The following DRC11 variants were observed in gnomAD, a reference collection of about 807,000 sequenced individuals.
DRC11 encodes the protein IQ and AAA domain-containing protein 1.
At chr2:236,368,120 G>GAAAACAGT in the DRC11 span, 1 of 870,956 alleles carries the variant, frequency 1.1e-6, no homozygotes, top group South Asian at 1.4e-5. Flanking sequence ...TGACAAACAG[G>GAAAACAGT]AACACACTGT....
the DRC11 span, among the ~76,000 whole-genome samples, chr2:236,394,199 C>T: frequency 2.0e-5 from 3 of 152,092 alleles, no homozygotes; most frequent in East Asian, 5.8e-4. The surrounding 1 kb of genome is among the most constrained non-coding windows in gnomAD (Gnocchi z 7.0). Flanking sequence ...TGCCCCAAAG[C>T]CCCAAAGCAG....
the DRC11 span, among the ~76,000 whole-genome samples, chr2:236,338,773 T>G: frequency 6.6e-6 from 1 of 152,234 alleles, no homozygotes; most frequent in Non-Finnish European, 1.5e-5. Flanking sequence ...TGCTGATTGC[T>G]GGAACAATGA....
chr2:236,396,223 G>A, the DRC11 span, among the ~76,000 whole-genome samples: 2 of 142,102 alleles, frequency 1.4e-5, no homozygotes, highest in Non-Finnish European at 3.0e-5. Flanking sequence ...CTCCTAGAGC[G>A]GAGAAAGAGC....
chr2:236,377,114 G>C, the DRC11 span: 87 of 1,602,766 alleles, frequency 5.4e-5, no homozygotes, highest in Non-Finnish European at 7.4e-5. This position sits in a 1 kb window ranked among gnomAD's most constrained non-coding sequence, Gnocchi z 4.9. Flanking sequence ...AATGTAATCA[G>C]AGAGGTTGAC....
At chr2:236,501,919 C>A in the DRC11 span, among the ~76,000 whole-genome samples, 1 of 152,180 alleles carries the variant, frequency 6.6e-6, no homozygotes, top group Non-Finnish European at 1.5e-5. Context: ...GGGTTGACTG[C>A]AGGAGTGCTT....
the DRC11 span, among the ~76,000 whole-genome samples, chr2:236,387,568 G>C: frequency 1.3e-5 from 2 of 152,122 alleles, no homozygotes; most frequent in African/African-American, 4.8e-5. Context: ...CTGCATGTGA[G>C]ATGGGTTTCC....
the DRC11 span, among the ~76,000 whole-genome samples, chr2:236,434,578 A>C: frequency 3.3e-5 from 5 of 152,146 alleles, no homozygotes; most frequent in African/African-American, 4.8e-5. This position sits in a 1 kb window ranked among gnomAD's most constrained non-coding sequence, Gnocchi z 5.5. Flanking sequence ...AGCTTGTCTA[A>C]GGTTGCAGGT....
At chr2:236,392,322 C>CAT in the DRC11 span, 5 of 1,595,310 alleles carry the variant, frequency 3.1e-6, no homozygotes, top group Non-Finnish European at 4.3e-6. This position sits in a 1 kb window ranked among gnomAD's most constrained non-coding sequence, Gnocchi z 5.1. Context: ...GAGAGAAATT[C>CAT]CAAGACTCAT....
At chr2:236,412,290 G>T in the DRC11 span, among the ~76,000 whole-genome samples, 1 of 152,172 alleles carries the variant, frequency 6.6e-6, no homozygotes, top group Admixed American at 6.5e-5. Context: ...TATATAGGAA[G>T]TTCATGGTGC....
the DRC11 span, among the ~76,000 whole-genome samples, chr2:236,330,202 A>G: frequency 6.6e-6 from 1 of 152,018 alleles, no homozygotes; most frequent in Admixed American, 6.5e-5. This position sits in a 1 kb window ranked among gnomAD's most constrained non-coding sequence, Gnocchi z 5.5. Context: ...TTTTTTTTTC[A>G]GCCTTGCCAG....
At chr2:236,386,370 T>A in the DRC11 span, among the ~76,000 whole-genome samples, 1 of 152,168 alleles carries the variant, frequency 6.6e-6, no homozygotes, top group Non-Finnish European at 1.5e-5. Context: ...GAGATTCAAC[T>A]TCTTCCTGGT....
chr2:236,341,718 GT>G, the DRC11 span, among the ~76,000 whole-genome samples: 39 of 152,202 alleles, frequency 2.6e-4, no homozygotes, highest in Non-Finnish European at 4.9e-4. Flanking sequence ...GAAGCTGGTG[GT>G]TTCCCCCCCA....
At chr2:236,419,440 T>A in the DRC11 span, among the ~76,000 whole-genome samples, 1 of 152,208 alleles carries the variant, frequency 6.6e-6, no homozygotes. The surrounding 1 kb of genome is among the most constrained non-coding windows in gnomAD (Gnocchi z 4.8). Context: ...CTGCCTACCA[T>A]CTACCCTTAG....
At chr2:236,311,485 A>G in the DRC11 span, among the ~76,000 whole-genome samples, 141 of 152,234 alleles carry the variant, frequency 9.3e-4, 3 homozygotes, top group Non-Finnish European at 8.8e-5. This position sits in a 1 kb window ranked among gnomAD's most constrained non-coding sequence, Gnocchi z 6.9. Context: ...TTCTGGTCAC[A>G]TTTCTCCAGA....
the DRC11 span, among the ~76,000 whole-genome samples, chr2:236,372,051 C>T: frequency 4.6e-5 from 7 of 152,080 alleles, no homozygotes; most frequent in African/African-American, 1.5e-4. This position sits in a 1 kb window ranked among gnomAD's most constrained non-coding sequence, Gnocchi z 4.5. Context: ...GTTTTTTAAA[C>T]GTCTAAACCC....
the DRC11 span, chr2:236,412,540 C>A: frequency 2.0e-4 from 31 of 152,402 alleles, no homozygotes; most frequent in Admixed American, 6.5e-4. Flanking sequence ...GAACCATAGA[C>A]AATGGTTTGA....
At chr2:236,474,523 T>G in the DRC11 span, among the ~76,000 whole-genome samples, 1 of 152,186 alleles carries the variant, frequency 6.6e-6, no homozygotes, top group Non-Finnish European at 1.5e-5. Context: ...GAACTCTAAT[T>G]AAATAGAAGT....
At chr2:236,463,079 A>G in the DRC11 span, among the ~76,000 whole-genome samples, 1 of 152,192 alleles carries the variant, frequency 6.6e-6, no homozygotes, top group African/African-American at 2.4e-5. The surrounding 1 kb of genome is among the most constrained non-coding windows in gnomAD (Gnocchi z 5.0). Flanking sequence ...ATTCTGGGTA[A>G]CAGAATATGG....
At chr2:236,328,061 T>C in the DRC11 span, among the ~76,000 whole-genome samples, 35 of 152,344 alleles carry the variant, frequency 2.3e-4, no homozygotes, top group African/African-American at 7.5e-4. The surrounding 1 kb of genome is among the most constrained non-coding windows in gnomAD (Gnocchi z 6.7). Context: ...AACATGCTTA[T>C]TTTGTAGTCT....
Sources: gnomAD v4.1 joint callset for allele counts (sites outside exome capture counted in the v4.1 genomes callset) on GRCh38, gnomAD v4.1.1 for gene constraint, Gnocchi (gnomAD v3.1) non-coding constraint, MANE v1.5 for transcripts, NCBI Gene and HGNC (gene_info 2026-07-23, HGNC 2026-07-21) for gene names.